LAMC1: variants seen among roughly 807,000 people sequenced by gnomAD.
LAMC1 encodes the protein laminin subunit gamma 1.
LAMC1 carries 38 observed loss-of-function variants against 173.6 expected under a neutral mutation model. The observed-to-expected ratio is 0.22, with a 90% CI of 0.17 to 0.29. The LOEUF is 0.29. Among genes scored for constraint, LAMC1 ranks in the 10% least tolerant of loss-of-function variants. LAMC1 has a pLI of 1.00. For synonymous variants in LAMC1, 746 were observed against 749.1 expected, an observed-to-expected ratio of 1.00 and a Z score of 0.07; for missense variants, 1,824 against 2,051.8, an observed-to-expected ratio of 0.89 and a Z score of 2.14.
At chr1:183,126,963 C>A (rs1449875811) in intron 16 of LAMC1, among the ~76,000 whole-genome samples, 6 of 152,210 alleles carry the variant, frequency 3.9e-5, no homozygotes, top group Non-Finnish European at 7.3e-5. Context: ...CTGATAGTTT[C>A]ATAACTTCTC....
chr1:183,049,386 A>G (rs1230637555), intron 1 of LAMC1, among the ~76,000 whole-genome samples: 2 of 152,286 alleles, frequency 1.3e-5, no homozygotes, highest in Admixed American at 1.3e-4. Flanking sequence ...GTTTATCTAC[A>G]GAGGTTGTGT....
At chr1:183,109,153 T>C (rs1240984535) in intron 3 of LAMC1, among the ~76,000 whole-genome samples, 2 of 152,294 alleles carry the variant, frequency 1.3e-5, no homozygotes, top group Admixed American at 1.3e-4. Flanking sequence ...GACCATGAGA[T>C]CCCAAAAGCA....
intron 1 of LAMC1, among the ~76,000 whole-genome samples, chr1:183,034,050 C>T (rs1653911594): frequency 6.6e-6 from 1 of 151,322 alleles, no homozygotes; most frequent in African/African-American, 2.4e-5. Context: ...AAAGATCTAC[C>T]CACTTAAAAT....
chr1:183,026,738 CT>C (rs1225644605), intron 1 of LAMC1, among the ~76,000 whole-genome samples: 1 of 152,084 alleles, frequency 6.6e-6, no homozygotes, highest in African/African-American at 2.4e-5. Flanking sequence ...CTTTTCTAGC[CT>C]TTCTTTTGAT....
chr1:183,060,199 A>G (rs1654706755), intron 1 of LAMC1, among the ~76,000 whole-genome samples: 1 of 151,992 alleles, frequency 6.6e-6, no homozygotes, highest in Non-Finnish European at 1.5e-5. Flanking sequence ...TGCCTTTCCC[A>G]CTTGCTCCTT....
chr1:183,102,953 A>G (rs1285151390), intron 1 of LAMC1, among the ~76,000 whole-genome samples: 1 of 152,222 alleles, frequency 6.6e-6, no homozygotes. Context: ...AAGTTAGCAT[A>G]TATTTGCTTT....
intron 21 of LAMC1, 82 bp from the exon 22 acceptor site, chr1:183,133,324 C>A: frequency 8.1e-7 from 1 of 1,239,578 alleles, no homozygotes; most frequent in South Asian, 1.7e-5. Context: ...GGCGTATTAT[C>A]ACATGATCAT....
chr1:183,100,257 T>A (rs1655800541), intron 1 of LAMC1, among the ~76,000 whole-genome samples: 1 of 152,172 alleles, frequency 6.6e-6, no homozygotes, highest in Non-Finnish European at 1.5e-5. Context: ...CATCTTGACC[T>A]CCCCATCTTC....
chr1:183,140,036 A>G (rs1058177), intron 26 of LAMC1, among the ~76,000 whole-genome samples: 13,326 of 152,068 alleles, frequency 0.088, 917 homozygotes, highest in East Asian at 0.4. Flanking sequence ...TTCTATAATC[A>G]TCCTTAAAAA....
chr1:183,142,869 A>G lies in LAMC1; in HGVS notation c.*79A>G. ...CACAGAGTGCCTTGACACAAAGATT[A>G]CATTTTTCAGACCCCCACTCCTCTG... On this transcript the variant is annotated 3_prime_UTR_variant, in exon 28 of 28. Coordinates refer to ENST00000258341, the MANE Select transcript of LAMC1 (RefSeq NM_002293.4). 1 of 1,448,060 alleles carries G rather than the reference A, an allele frequency of 6.9e-7. No individual in the cohort carries two copies. The highest frequency in any genetic ancestry group is 9.4e-7 in the Non-Finnish European group (1 of 1,069,414). The allele number at this position is 1,448,060 out of a possible 1,614,324, so 89.7% of individuals were successfully genotyped here.
At chr1:183,051,166 C>G (rs1286192639) in intron 1 of LAMC1, among the ~76,000 whole-genome samples, 1 of 152,178 alleles carries the variant, frequency 6.6e-6, no homozygotes. Flanking sequence ...TGACACTCCT[C>G]CTTTTGTGTG....
intron 1 of LAMC1, among the ~76,000 whole-genome samples, chr1:183,094,851 T>G (rs1655652365): frequency 1.3e-5 from 2 of 152,232 alleles, no homozygotes; most frequent in African/African-American, 4.8e-5. Context: ...GGGGTTTTTT[T>G]GTTTTTCGTT....
chr1:183,036,096 CTTTT>C lies in LAMC1; in HGVS notation c.418+11979_418+11982del, dbSNP rs35129932. ...CTCACACTTTGTGCTTGAATGAATT[CTTTT>C]TTTTTTTTTTTTTTTTAAGACAGCG... On this transcript the variant is annotated intron_variant, in intron 1 of 27. Transcript: ENST00000258341. Among the ~76,000 whole-genome samples the C allele has an allele frequency of 3.7e-3, 514 of 137,392 alleles. 2 individuals carry two copies. The highest frequency in any genetic ancestry group is 8.5e-3 in the African/African-American group (306 of 36,196). The allele number at this position is 137,392 out of a possible 152,430, so 90.1% of individuals were successfully genotyped here. A position where few individuals can be genotyped will look rare whatever the true frequency, so the allele number is the denominator to read the frequency against.
At chr1:183,052,873 C>A (rs1654469235) in intron 1 of LAMC1, among the ~76,000 whole-genome samples, 1 of 152,122 alleles carries the variant, frequency 6.6e-6, no homozygotes, top group Non-Finnish European at 1.5e-5. Flanking sequence ...TTTCTTCTCC[C>A]TTACTGAAAA....
chr1:183,036,664 T>G (rs1653993140), intron 1 of LAMC1, among the ~76,000 whole-genome samples: 2 of 152,212 alleles, frequency 1.3e-5, no homozygotes, highest in African/African-American at 4.8e-5. Flanking sequence ...GTGCTGAGAT[T>G]ACAGACGTGA....
At chr1:183,108,101 GA>G (rs1656037308) in intron 2 of LAMC1, among the ~76,000 whole-genome samples, 174 bp from the exon 3 acceptor site, 1 of 152,180 alleles carries the variant, frequency 6.6e-6, no homozygotes, top group South Asian at 2.1e-4. Context: ...GAAGAGTCAA[GA>G]AGGAGAAAAA....
chr1:183,136,258 C>A, intron 24 of LAMC1, 128 bp from the exon 25 acceptor site: 1 of 714,946 alleles, frequency 1.4e-6, no homozygotes, highest in Non-Finnish European at 2.4e-6. Context: ...AATTTCAGCC[C>A]ATGCTCTCTT....
chr1:183,034,069 C>T (rs1302787016), intron 1 of LAMC1, among the ~76,000 whole-genome samples: 3 of 152,010 alleles, frequency 2.0e-5, no homozygotes, highest in African/African-American at 7.2e-5. Context: ...ATGAGATGAG[C>T]TTATTGCATT....
chr1:183,127,622 G>A (rs537752375), intron 17 of LAMC1, among the ~76,000 whole-genome samples: 2 of 152,322 alleles, frequency 1.3e-5, no homozygotes, highest in East Asian at 1.9e-4. Flanking sequence ...GAGAATAACT[G>A]GGGGAAACTA....
Sources: gnomAD v4.1 joint callset for allele counts (sites outside exome capture counted in the v4.1 genomes callset) on GRCh38, gnomAD v4.1.1 for gene constraint, MANE v1.5 for transcripts, NCBI Gene and HGNC (gene_info 2026-07-23, HGNC 2026-07-21) for gene names.